Variants in NPTX1 observed in about 807,000 individuals in gnomAD.
NPTX1 encodes neuronal pentraxin 1, also known as neuronal pentraxin-1.
In NPTX1, 12 loss-of-function variants were observed where a neutral mutation model predicts 38.7. The ratio of observed to expected loss-of-function variants is 0.31; its 90% confidence interval spans 0.20 to 0.50. NPTX1 has a LOEUF of 0.50. Among genes scored for constraint, NPTX1 ranks in the 20% least tolerant of loss-of-function variants. The pLI, the probability that NPTX1 is intolerant of heterozygous loss-of-function variation, is 0.98. For missense variants in NPTX1, 454 were observed against 592.2 expected, an observed-to-expected ratio of 0.77 and a Z score of 2.42; for synonymous variants, 272 against 264.9, an observed-to-expected ratio of 1.03 and a Z score of -0.26.
chr17:80,466,899 GAAA>G lies in NPTX1; in HGVS notation c.*3911_*3913del, dbSNP rs57945494. ...ATTCATGTCATTTCAGCAAGAAAATGAAAAAAAAAAAAAAAGCAAGAATACCAG... is the reference window on the plus strand; with the variant it reads ...ATTCATGTCATTTCAGCAAGAAAATGAAAAAAAAAAAAGCAAGAATACCAG... On this transcript the variant is annotated 3_prime_UTR_variant, in exon 5 of 5. Transcript: ENST00000306773. Among the ~76,000 whole-genome samples the G allele has an allele frequency of 1.4e-4, 18 of 132,280 alleles. No homozygotes were observed. The highest frequency in any genetic ancestry group is 4.9e-4 in the African/African-American group (17 of 34,816). The allele number at this position is 132,280 out of a possible 152,430, so 86.8% of individuals were successfully genotyped here. A position where few individuals can be genotyped will look rare whatever the true frequency, so the allele number is the denominator to read the frequency against.
At chr17:80,471,595 T>A in intron 4 of NPTX1, 137 bp downstream of exon 4, 1 of 1,394,492 alleles carries the variant, frequency 7.2e-7, no homozygotes, top group Non-Finnish European at 9.5e-7. Flanking sequence ...GGCACAGGCC[T>A]TGCCCAGCCT....
chr17:80,468,474 G>C lies in NPTX1; in HGVS notation c.*2339C>G, dbSNP rs2083818475. Reference sequence around the variant, plus strand: ...AGGGGCGGGGCTGGCCGGAGGTGCTGGCAGGGGAGCACCCCACACAGCCCG... The same window carrying C: ...AGGGGCGGGGCTGGCCGGAGGTGCTCGCAGGGGAGCACCCCACACAGCCCG... On this transcript the variant is annotated 3_prime_UTR_variant, in exon 5 of 5. Transcript: ENST00000306773. The C allele has an allele frequency of 6.6e-6, 1 of 152,348 alleles. No individual in the cohort carries two copies. The highest frequency in any genetic ancestry group is 2.4e-5 in the African/African-American group (1 of 41,458). 9.4% of individuals were successfully genotyped at this position (152,348 alleles called of 1,614,324 possible). A position where few individuals can be genotyped will look rare whatever the true frequency, so the allele number is the denominator to read the frequency against.
Position 80,475,965 on chromosome 17 carries a change from A to C in NPTX1, c.444+38T>G. Reference sequence around the variant, plus strand: ...GTGGGGGAGGGCAGAGGGGCGAGCGAGCCGGAGGGGGAACCGGAGCCGAGG... The same window carrying C: ...GTGGGGGAGGGCAGAGGGGCGAGCGCGCCGGAGGGGGAACCGGAGCCGAGG... On this transcript the variant is annotated intron_variant, in intron 1 of 4. Transcript: ENST00000306773. This position sits in a 1 kb window ranked among gnomAD's most constrained non-coding sequence, Gnocchi z 6.5. 6.6e-7 allele frequency: 1 copy of C among 1,507,774 alleles called. No individual in the cohort carries two copies. Among genetic ancestry groups the C allele is most frequent in the Admixed American group, 1.7e-5 (1 of 58,980 alleles). The allele number at this position is 1,507,774 out of a possible 1,614,324, so 93.4% of individuals were successfully genotyped here.
At position 80,476,016 on chromosome 17, in the gene NPTX1, A is replaced by C; in HGVS notation, c.431T>G (p.Leu144Arg). 1 of 1,606,684 alleles carries C rather than the reference A, an allele frequency of 6.2e-7. No homozygotes were observed. Among genetic ancestry groups the C allele is most frequent in the Non-Finnish European group, 8.5e-7 (1 of 1,177,604 alleles). ...GCGCGCGCGGACCTCGAGGTTCTCCAGGCGGGTTTTGAGCGATTGCAAAGT... is the reference window on the plus strand; with the variant it reads ...GCGCGCGCGGACCTCGAGGTTCTCCCGGCGGGTTTTGAGCGATTGCAAAGT... Reference protein sequence around the residue: ...GQTLQSLKTRLENLEQYSRLN... With the variant: ...GQTLQSLKTRRENLEQYSRLN... The change falls in exon 1 of 5, where the codon CTG becomes CGG. Residue 144 changes from leucine (L) to arginine (R), a missense_variant. Leu to Arg is a moderately radical substitution (Grantham distance 102). Around this residue, in one of 4 missense-constraint regions of NPTX1, gnomAD observed 288 missense variants for 318.4 expected, o/e 0.90. Coordinates refer to ENST00000306773, the MANE Select transcript of NPTX1 (RefSeq NM_002522.4). This position sits in a 1 kb window ranked among gnomAD's most constrained non-coding sequence, Gnocchi z 6.3.
At chr17:80,474,586 C>G (rs1479682872) in intron 2 of NPTX1, 2 of 152,458 alleles carry the variant, frequency 1.3e-5, no homozygotes, top group African/African-American at 4.8e-5. Flanking sequence ...CCATTGAGGC[C>G]TGCAGTGGGG....
rs2083852596 is a variant in NPTX1, at chr17:80,473,197, T to C, written c.897+3A>G. On this transcript the variant is annotated splice_donor_region_variant and intron_variant, in intron 3 of 4. Transcript: ENST00000306773. ...CGCCCTGTGAGCCCGGGGGCTGCTC[T>C]ACCTTGTCATTGATGAGGATCTCCA... is the stretch of plus-strand genomic sequence containing the variant. The C allele has an allele frequency of 3.7e-6, 6 of 1,612,176 alleles. No homozygotes were observed. Among genetic ancestry groups the C allele is most frequent in the Non-Finnish European group, 5.1e-6 (6 of 1,179,820 alleles).
intron 4 of NPTX1, 56 bp from the exon 5 acceptor site, chr17:80,471,090 C>A: frequency 1.5e-6 from 2 of 1,376,286 alleles, no homozygotes; most frequent in South Asian, 2.7e-5. Flanking sequence ...TCTGGGGGCC[C>A]ATCCCTAGGC....
At position 80,468,414 on chromosome 17, in the gene NPTX1, G is replaced by A. The variant is rs1491003287; in HGVS notation, c.*2399C>T. On this transcript the variant is annotated 3_prime_UTR_variant, in exon 5 of 5. Coordinates refer to ENST00000306773, the MANE Select transcript of NPTX1 (RefSeq NM_002522.4). ...ACGGACAGCTCCCACCTGGCCCACG[G>A]GGGCAGAAGGTGGTCTGCGGTCCAG... 6.6e-6 allele frequency: 1 copy of A among 152,358 alleles called. No individual in the cohort carries two copies. The highest frequency in any genetic ancestry group is 2.4e-5 in the African/African-American group (1 of 41,466). The allele number at this position is 152,358 out of a possible 1,614,324, so 9.4% of individuals were successfully genotyped here.
chr17:80,473,419 G>A lies in NPTX1; in HGVS notation c.678C>T (p.Asp226=). ...EKGQKDNRPG[D]KFQLTFPLRT... is the part of the protein sequence containing the mutation. ...GCAGTGGGAATGTGAGCTGGAACTTGTCTCCAGGGCGGTTGTCTTTCTGAC... is the reference window on the plus strand; with the variant it reads ...GCAGTGGGAATGTGAGCTGGAACTTATCTCCAGGGCGGTTGTCTTTCTGAC... The change falls in exon 3 of 5, where the codon GAC becomes GAT. Residue 226 remains aspartate (D), a synonymous_variant. Transcript: ENST00000306773. The A allele has an allele frequency of 6.2e-7, 1 of 1,613,972 alleles. No homozygotes were observed. Among genetic ancestry groups the A allele is most frequent in the Non-Finnish European group, 8.5e-7 (1 of 1,179,948 alleles).
At chr17:80,474,567 TA>T (rs2083864243) in intron 2 of NPTX1, 1 of 152,378 alleles carries the variant, frequency 6.6e-6, no homozygotes, top group Non-Finnish European at 1.5e-5. Flanking sequence ...CCCCAGCGGC[TA>T]CCCCAACCCA....
rs1345246500 is a variant in NPTX1, at chr17:80,469,943, G to C, written c.*870C>G. 1.3e-5 allele frequency: 2 copies of C among 152,388 alleles called. No homozygotes were observed. The highest frequency in any genetic ancestry group is 2.9e-5 in the Non-Finnish European group (2 of 68,156). The allele number at this position is 152,388 out of a possible 1,614,324, so 9.4% of individuals were successfully genotyped here. ...GCACAGCTCCAGAGGTGAGAAGGGA[G>C]GGGCAGACCCCAGCCTTGCAGGATC... On this transcript the variant is annotated 3_prime_UTR_variant, in exon 5 of 5. Coordinates refer to ENST00000306773, the MANE Select transcript of NPTX1 (RefSeq NM_002522.4).
chr17:80,470,960 G>T lies in NPTX1; in HGVS notation c.1152C>A (p.Arg384=), dbSNP rs769702562. The change falls in exon 5 of 5, where the codon CGC becomes CGA. Residue 384 remains arginine (R), a synonymous_variant. Transcript: ENST00000306773. ...TGTACACCTCCCCGGGGGTCAGCTT[G>T]CGGTCCCAGATGTTGAAGTGGGCCA... The part of the protein sequence containing the change: ...GELAHFNIWD[R]KLTPGEVYNL... 10 of 1,613,786 alleles carry T rather than the reference G, an allele frequency of 6.2e-6. No homozygotes were observed. Among genetic ancestry groups the T allele is most frequent in the Non-Finnish European group, 8.5e-6 (10 of 1,179,772 alleles).
intron 3 of NPTX1, among the ~76,000 whole-genome samples, chr17:80,472,292 G>A (rs970567670): frequency 1.3e-5 from 2 of 152,184 alleles, no homozygotes; most frequent in African/African-American, 4.8e-5. Flanking sequence ...CATCTGTGCA[G>A]CCTCCTTGCT....
rs998677231 is a variant in NPTX1, at chr17:80,475,380, T to G, written c.652+131A>C. On this transcript the variant is annotated intron_variant, in intron 2 of 4. Coordinates refer to ENST00000306773, the MANE Select transcript of NPTX1 (RefSeq NM_002522.4). The surrounding 1 kb of genome is among the most constrained non-coding windows in gnomAD (Gnocchi z 6.5). ...AGGGGTGCGGGGAATGAGAAAGCGG[T>G]GCAGGGGTTGGGGGTAGCGGAGCGG... is the stretch of plus-strand genomic sequence containing the variant. The G allele has an allele frequency of 2.7e-5, 18 of 666,792 alleles. No individual in the cohort carries two copies. The highest frequency in any genetic ancestry group is 7.5e-6 in the Non-Finnish European group (3 of 397,456). 41.3% of individuals were successfully genotyped at this position (666,792 alleles called of 1,614,324 possible).
Position 80,475,978 on chromosome 17 carries a change from A to C in NPTX1, c.444+25T>G. On this transcript the variant is annotated intron_variant, in intron 1 of 4. Transcript: ENST00000306773. This position sits in a 1 kb window ranked among gnomAD's most constrained non-coding sequence, Gnocchi z 6.5. Reference sequence around the variant, plus strand: ...GAGGGGCGAGCGAGCCGGAGGGGGAACCGGAGCCGAGGGCGCGCGCGGACC... The same window carrying C: ...GAGGGGCGAGCGAGCCGGAGGGGGACCCGGAGCCGAGGGCGCGCGCGGACC... 3 of 1,580,762 alleles carry C rather than the reference A, an allele frequency of 1.9e-6. No individual in the cohort carries two copies. Among genetic ancestry groups the C allele is most frequent in the South Asian group, 1.1e-5 (1 of 90,098 alleles).
Position 80,471,011 on chromosome 17 carries a change from A to G in NPTX1, c.1101T>C (p.Asp367=). Residue 367 remains aspartate, a synonymous_variant, in exon 5 of 5, where the codon GAT becomes GAC. Coordinates refer to ENST00000306773, the MANE Select transcript of NPTX1 (RefSeq NM_002522.4). The part of the protein sequence containing the change: ...QEQDTLGGGF[D]ATQAFVGELA... ...GCTCACCCACAAATGCCTGGGTGGC[A>G]TCAAACCCACCACCCAGAGTGTCCT... 6.2e-7 allele frequency: 1 copy of G among 1,609,024 alleles called. No homozygotes were observed. Among genetic ancestry groups the G allele is most frequent in the Non-Finnish European group, 8.5e-7 (1 of 1,176,252 alleles).
At chr17:80,472,769 C>T (rs2083849366) in intron 3 of NPTX1, among the ~76,000 whole-genome samples, 1 of 152,204 alleles carries the variant, frequency 6.6e-6, no homozygotes, top group African/African-American at 2.4e-5. Flanking sequence ...TGTCCTCCTC[C>T]CGAGAGTTAG....
In NPTX1 at chr17:80,470,035, C is replaced by CCGA. The variant is rs1288537869; in HGVS notation, c.*775_*777dup. The CCGA allele has an allele frequency of 1.3e-5, 2 of 152,294 alleles. No individual in the cohort carries two copies. The highest frequency in any genetic ancestry group is 4.8e-5 in the African/African-American group (2 of 41,440). 9.4% of individuals were successfully genotyped at this position (152,294 alleles called of 1,614,324 possible). A position where few individuals can be genotyped will look rare whatever the true frequency, so the allele number is the denominator to read the frequency against. ...GAGCTAGCTGAGCTGGGCACACAGG[C>CCGA]CGACCTCCCAGGCCCCATGCTGCTC... On this transcript the variant is annotated 3_prime_UTR_variant, in exon 5 of 5. Coordinates refer to ENST00000306773, the MANE Select transcript of NPTX1 (RefSeq NM_002522.4).
rs2083812167 is a variant in NPTX1, at chr17:80,467,378, A to G, written c.*3435T>C. 6.6e-6 allele frequency: 1 copy of G among 152,616 alleles called. No individual in the cohort carries two copies. Among genetic ancestry groups the G allele is most frequent in the South Asian group, 2.1e-4 (1 of 4,826 alleles). The allele number at this position is 152,616 out of a possible 1,614,324, so 9.5% of individuals were successfully genotyped here. ...GGATTCTATCCTCTTAATGTGAACC[A>G]CATGTAACCCAAGGTTCTTCTATCA... On this transcript the variant is annotated 3_prime_UTR_variant, in exon 5 of 5. Transcript: ENST00000306773.
Sources: allele counts gnomAD v4.1 joint callset (sites outside exome capture counted in the v4.1 genomes callset), GRCh38; gene constraint gnomAD v4.1.1; regional missense constraint gnomAD v4.1.1; non-coding constraint Gnocchi (gnomAD v3.1); transcripts MANE v1.5; gene names NCBI Gene and HGNC (gene_info 2026-07-23, HGNC 2026-07-21).